Variants in TTC21A observed in about 807,000 individuals in gnomAD.
TTC21A encodes tetratricopeptide repeat protein 21A.
Under a neutral mutation model 156.4 loss-of-function variants are expected in TTC21A, and 128 were observed. That is an observed-to-expected ratio of 0.82 (90% CI 0.71 to 0.95). The LOEUF is 0.95. Ranked by LOEUF, TTC21A falls within the 40% of genes least tolerant of loss-of-function variation. TTC21A has a pLI of 0.00. For synonymous variants in TTC21A, 587 were observed against 617.1 expected, an observed-to-expected ratio of 0.95 and a Z score of 0.72; for missense variants, 1,435 against 1,602.3, an observed-to-expected ratio of 0.90 and a Z score of 1.78.
chr3:39,138,024 G>A (rs2039264569), intron 26 of TTC21A, among the ~76,000 whole-genome samples: 1 of 152,206 alleles, frequency 6.6e-6, no homozygotes. Flanking sequence ...CCAGGAATGG[G>A]AGTGGCGGAA....
At position 39,110,046 on chromosome 3, in the gene TTC21A, A is replaced by G. The variant is rs75418963; in HGVS notation, c.175A>G (p.Ile59Val). 6 of 1,613,872 alleles carry G rather than the reference A, an allele frequency of 3.7e-6. No individual in the cohort carries two copies. The highest frequency in any genetic ancestry group is 3.4e-6 in the Non-Finnish European group (4 of 1,179,776). The change falls in exon 3 of 29, where the codon ATC becomes GTC. Residue 59 changes from isoleucine (I) to valine (V), a missense_variant. Ile to Val is a conservative substitution (Grantham distance 29). Coordinates refer to ENST00000683103, the MANE Select transcript of TTC21A (RefSeq NM_001366900.1). Reference protein sequence around the residue: ...VLKEEHIQDAISDLESIRHHP... With the variant: ...VLKEEHIQDAVSDLESIRHHP... ...CTTTGCAGAGCACATCCAGGATGCC[A>G]TCAGTGACCTGGAAAGCATCAGGCA...
intron 15 of TTC21A, 127 bp downstream of exon 15, chr3:39,129,437 A>C (rs1031498200): frequency 1.3e-6 from 1 of 758,656 alleles, no homozygotes; most frequent in Non-Finnish European, 2.3e-6. Flanking sequence ...TGATGAATGT[A>C]TGGAATTGTC....
intron 19 of TTC21A, 44 bp from the exon 20 acceptor site, chr3:39,133,008 G>A (rs1374270513): frequency 6.2e-7 from 1 of 1,601,030 alleles, no homozygotes; most frequent in Non-Finnish European, 8.5e-7. Flanking sequence ...GAACTGGTAT[G>A]TCAGGCTCTG....
chr3:39,137,688 G>A lies in TTC21A; in HGVS notation c.3653G>A (p.Arg1218Gln), dbSNP rs759080136. Reference protein sequence around the residue: ...SKFDLALELLRRCVQYNKSCY... With the variant: ...SKFDLALELLQRCVQYNKSCY... ...TTCGACCTCGCCTTAGAACTGCTGCGGCGCTGTGTGCAATACAACAAGGCA... is the reference window on the plus strand; with the variant it reads ...TTCGACCTCGCCTTAGAACTGCTGCAGCGCTGTGTGCAATACAACAAGGCA... The change falls in exon 26 of 29, where the codon CGG (arginine) becomes CAG (glutamine). Residue 1218 changes from arginine (R) to glutamine (Q), a missense_variant. Coordinates refer to ENST00000683103, the MANE Select transcript of TTC21A (RefSeq NM_001366900.1). The A allele has an allele frequency of 9.3e-6, 15 of 1,612,902 alleles. No homozygotes were observed. The highest frequency in any genetic ancestry group is 8.0e-5 in the African/African-American group (6 of 74,914).
chr3:39,122,554 AG>A, intron 9 of TTC21A, among the ~76,000 whole-genome samples: 1 of 152,306 alleles, frequency 6.6e-6, no homozygotes, highest in African/African-American at 2.4e-5. Flanking sequence ...GGGTCACCAG[AG>A]GCTGAGTGTG....
At position 39,138,735 on chromosome 3, in the gene TTC21A, C is replaced by G; in HGVS notation, c.3889C>G (p.Pro1297Ala). The change falls in exon 29 of 29, where the codon CCC becomes GCC. Residue 1297 changes from proline to alanine, a missense_variant. Physicochemically the swap from Pro to Ala is conservative, Grantham distance 27. Transcript: ENST00000683103. Reference protein sequence around the residue: ...NDVLREHPDYPKIREEILEKA... With the variant: ...NDVLREHPDYAKIREEILEKA... Reference sequence around the variant, plus strand: ...GGTCCTCAGGGAGCACCCCGACTACCCCAAGATCAGGGAGGAAATTTTGGA... The same window carrying G: ...GGTCCTCAGGGAGCACCCCGACTACGCCAAGATCAGGGAGGAAATTTTGGA... 1.2e-6 allele frequency: 2 copies of G among 1,614,102 alleles called. No individual in the cohort carries two copies. Among genetic ancestry groups the G allele is most frequent in the East Asian group, 2.2e-5 (1 of 44,872 alleles).
rs930633330 is a variant in TTC21A, at chr3:39,137,595, T to C, written c.3560T>C (p.Leu1187Pro). The C allele has an allele frequency of 6.2e-7, 1 of 1,614,122 alleles. No homozygotes were observed. Among genetic ancestry groups the C allele is most frequent in the Non-Finnish European group, 8.5e-7 (1 of 1,180,032 alleles). ...LKRLAKTPWV[L>P]SEAEDLEKSW... ...CGCCTGGCCAAGACCCCCTGGGTGC[T>C]GAGTGAGGCTGAGGACCTGGAGAAG... Residue 1187 changes from leucine (L) to proline (P), a missense_variant, in exon 26 of 29, where the codon CTG (leucine) becomes CCG (proline). Physicochemically the swap from Leu to Pro is moderately conservative, Grantham distance 98. Coordinates refer to ENST00000683103, the MANE Select transcript of TTC21A (RefSeq NM_001366900.1).
intron 26 of TTC21A, 139 bp from the exon 27 acceptor site, chr3:39,138,127 TG>T: frequency 7.6e-7 from 1 of 1,309,098 alleles, no homozygotes. Context: ...GGGGTACCCC[TG>T]GGGTCCCTTG....
At chr3:39,119,643 A>G (rs868496088) in intron 7 of TTC21A, 2 of 235,686 alleles carry the variant, frequency 8.5e-6, no homozygotes, top group Admixed American at 5.6e-5. Flanking sequence ...AAAAAAAAAA[A>G]GAAAAAAAAG....
In TTC21A at chr3:39,110,120, CA is replaced by C. The variant is rs771912434; in HGVS notation, c.253del (p.Arg85AspfsTer17). 1.7e-5 allele frequency: 28 copies of C among 1,613,946 alleles called. No homozygotes were observed. The highest frequency in any genetic ancestry group is 2.4e-5 in the Non-Finnish European group (28 of 1,179,872). ...CSTMALIYAH[K>X]RCEIIDREAI... ...CCACCATGGCCCTCATTTATGCTCACAAAAGATGTGAAATCATTGGTGAGTG... is the reference window on the plus strand; with the variant it reads ...CCACCATGGCCCTCATTTATGCTCACAAAGATGTGAAATCATTGGTGAGTG... On this transcript the variant is annotated frameshift_variant, in exon 3 of 29. Coordinates refer to ENST00000683103, the MANE Select transcript of TTC21A (RefSeq NM_001366900.1). LOFTEE classifies it high-confidence loss of function.
intron 14 of TTC21A, 42 bp downstream of exon 14, chr3:39,128,974 C>A: frequency 6.2e-7 from 1 of 1,610,604 alleles, no homozygotes; most frequent in Non-Finnish European, 8.5e-7. Flanking sequence ...CTGGGGCACA[C>A]TGGAGGCTCA....
chr3:39,137,566 G>T lies in TTC21A; in HGVS notation c.3531G>T (p.Leu1177Phe). The T allele has an allele frequency of 1.9e-6, 3 of 1,614,250 alleles. No homozygotes were observed. Among genetic ancestry groups the T allele is most frequent in the Non-Finnish European group, 2.5e-6 (3 of 1,180,036 alleles). Residue 1177 changes from leucine (L) to phenylalanine (F), a missense_variant, in exon 26 of 29, where the codon TTG becomes TTT. By Grantham distance (22) the Leu-to-Phe change is conservative. Coordinates refer to ENST00000683103, the MANE Select transcript of TTC21A (RefSeq NM_001366900.1). ...AGATCCCCAAGGCGCGTATGCAGTT[G>T]AAGCGCCTGGCCAAGACCCCCTGGG... ...LKQIPKARMQ[L>F]KRLAKTPWVL...
At chr3:39,137,824 G>A (rs1575568346) in intron 26 of TTC21A, 114 bp downstream of exon 26, 4 of 1,161,784 alleles carry the variant, frequency 3.4e-6, no homozygotes, top group East Asian at 2.6e-5. Context: ...AACTAGTCGG[G>A]AAGAGGCAGG....
intron 20 of TTC21A, 36 bp downstream of exon 20, chr3:39,133,276 C>T: frequency 6.3e-7 from 1 of 1,598,754 alleles, no homozygotes; most frequent in Middle Eastern, 1.7e-4. Flanking sequence ...TGCTTTCTCC[C>T]TCAGGGCACA....
At chr3:39,124,241 A>G (rs2038019249) in intron 9 of TTC21A, among the ~76,000 whole-genome samples, 1 of 152,224 alleles carries the variant, frequency 6.6e-6, no homozygotes, top group Non-Finnish European at 1.5e-5. Flanking sequence ...GTAGGGCAAT[A>G]GTTAAATAAT....
chr3:39,124,735 C>A (rs2038077807), intron 9 of TTC21A, among the ~76,000 whole-genome samples: 1 of 149,492 alleles, frequency 6.7e-6, no homozygotes, highest in African/African-American at 2.5e-5. Flanking sequence ...TGTTTTTAAA[C>A]CCATTGGTAT....
chr3:39,125,081 T>C lies in TTC21A; in HGVS notation c.1112T>C (p.Ile371Thr). The C allele has an allele frequency of 6.2e-7, 1 of 1,613,532 alleles. No homozygotes were observed. The highest frequency in any genetic ancestry group is 8.5e-7 in the Non-Finnish European group (1 of 1,179,494). The change falls in exon 10 of 29, where the codon ATC becomes ACC. Residue 371 changes from isoleucine (I) to threonine (T), a missense_variant. Transcript: ENST00000683103. ...TTTACAGGGATCATCTTGTGTCATA[T>C]CTTAGAAGGCCACCTGGAGGAAGCT... is the stretch of plus-strand genomic sequence containing the variant. ...AGLTGIILCHILEGHLEEAEY... is the reference protein window; with the variant it reads ...AGLTGIILCHTLEGHLEEAEY...
rs7614000 is a variant in TTC21A, at chr3:39,111,084, C to G, written c.435+67C>G. ...ATCCAAACACATAATAGCAGGGTGG[C>G]CCTCATTCCCACAAAGGGCCCTGAA... On this transcript the variant is annotated intron_variant, in intron 4 of 28. Transcript: ENST00000683103. The G allele has an allele frequency of 0.35, 522,065 of 1,504,838 alleles. 98,859 individuals are homozygous for G. The highest frequency in any genetic ancestry group is 0.79 in the African/African-American group (56,452 of 71,766). 93.2% of individuals were successfully genotyped at this position (1,504,838 alleles called of 1,614,324 possible).
In TTC21A at chr3:39,137,351, T is replaced by C; in HGVS notation, c.3414T>C (p.Ala1138=). The change falls in exon 25 of 29, where the codon GCT becomes GCC. Residue 1138 remains alanine, a synonymous_variant. Coordinates refer to ENST00000683103, the MANE Select transcript of TTC21A (RefSeq NM_001366900.1). ...CCAGGGAGAAGGCTAACATGGAGGC[T>C]GCGCTGGGCAGCTTCATCCAGATAG... The part of the protein sequence containing the change: ...LATREKANME[A]ALGSFIQIAQ... 1 of 1,613,698 alleles carries C rather than the reference T, an allele frequency of 6.2e-7. No homozygotes were observed. The highest frequency in any genetic ancestry group is 2.2e-5 in the East Asian group (1 of 44,874).
Sources: allele counts gnomAD v4.1 joint callset (sites outside exome capture counted in the v4.1 genomes callset), GRCh38; gene constraint gnomAD v4.1.1; transcripts MANE v1.5; gene names NCBI Gene and HGNC (gene_info 2026-07-23, HGNC 2026-07-21).